The following SCUBE1 variants were observed in gnomAD, a reference collection of about 807,000 sequenced individuals.
SCUBE1 encodes the protein signal peptide, CUB and EGF-like domain-containing protein 1.
A neutral mutation model predicts 124.4 loss-of-function variants in SCUBE1; 59 were observed. The observed-to-expected ratio is 0.47, with a 90% CI of 0.38 to 0.59. The LOEUF (loss-of-function observed/expected upper bound fraction) is 0.59. Ranked by LOEUF, SCUBE1 falls within the 20% of genes least tolerant of loss-of-function variation. The probability of loss-of-function intolerance (pLI) is 0.00; values close to 1 mark genes in which losing one functional copy is unlikely to be tolerated. For missense variants in SCUBE1, 1,150 were observed against 1,371.2 expected (o/e 0.84, Z 2.55); for synonymous variants, 545 against 550.9 (o/e 0.99, Z 0.15).
Position 43,312,692 on chromosome 22 carries a change from G to T in SCUBE1, c.349+7245C>A, listed in dbSNP as rs1056908366. On this transcript the variant is annotated intron_variant, in intron 3 of 21. Coordinates refer to ENST00000360835, the MANE Select transcript of SCUBE1 (RefSeq NM_173050.5). ...GCCCAAGGAGGCTGAACGAGCTATG[G>T]GGTGGAGGCGCCCTTGGTATGAGCT... Among the ~76,000 whole-genome samples, 8 of 152,198 alleles carry T rather than the reference G, an allele frequency of 5.3e-5. No homozygotes were observed. The East Asian group carries it at 1.3e-3, about 26-fold the overall frequency.
At chr22:43,212,183 C>A (rs1473672303) in intron 17 of SCUBE1, among the ~76,000 whole-genome samples, 3 of 152,140 alleles carry the variant, frequency 2.0e-5, no homozygotes, top group African/African-American at 7.2e-5. Flanking sequence ...CCAGAGCCCT[C>A]CCCAGTGCTC....
chr22:43,288,593 G>A (rs1925237273), intron 4 of SCUBE1, among the ~76,000 whole-genome samples: 1 of 152,216 alleles, frequency 6.6e-6, no homozygotes, highest in Non-Finnish European at 1.5e-5. Flanking sequence ...CGCCCAGCCT[G>A]GCACATTCCC....
chr22:43,321,997 A>AT (rs1036789935), intron 2 of SCUBE1, among the ~76,000 whole-genome samples: 34 of 152,016 alleles, frequency 2.2e-4, no homozygotes, highest in African/African-American at 7.2e-4. Flanking sequence ...TTATTTATTT[A>AT]TTTTTTTGTC....
At chr22:43,336,882 C>T (rs1181497978) in intron 2 of SCUBE1, among the ~76,000 whole-genome samples, 15 of 152,138 alleles carry the variant, frequency 9.9e-5, no homozygotes, top group Non-Finnish European at 1.5e-4. Context: ...TCCAGGCAGG[C>T]GGAAAATCTG....
At position 43,255,452 on chromosome 22, in the gene SCUBE1, G is replaced by A. The variant is rs934313731; in HGVS notation, c.727+2767C>T. On this transcript the variant is annotated intron_variant, in intron 6 of 21. Coordinates refer to ENST00000360835, the MANE Select transcript of SCUBE1 (RefSeq NM_173050.5). The surrounding 1 kb of genome is among the most constrained non-coding windows in gnomAD (Gnocchi z 4.7). ...CACATGTGCACACACACACACAAGTGCAAGTACGACAAAGGAAGTGGAAGA... is the reference window on the plus strand; with the variant it reads ...CACATGTGCACACACACACACAAGTACAAGTACGACAAAGGAAGTGGAAGA... 4 of 1,517,330 alleles carry A rather than the reference G, an allele frequency of 2.6e-6. No homozygotes were observed. In the Admixed American group the frequency reaches 7.9e-5, roughly 30 times the overall value. The allele number at this position is 1,517,330 out of a possible 1,614,324, so 94.0% of individuals were successfully genotyped here. A position where few individuals can be genotyped will look rare whatever the true frequency, so the allele number is the denominator to read the frequency against.
At chr22:43,280,699 C>CCACCTTCCTCCTCGGCCACCCTCCTGT (rs1410037911) in intron 4 of SCUBE1, among the ~76,000 whole-genome samples, 271 of 90,906 alleles carry the variant, frequency 3.0e-3, no homozygotes, top group Middle Eastern at 6.8e-3. Flanking sequence ...CACATCCCCA[C>CCACCTTCCTCCTCGGCCACCCTCCTGT]CACCTTCCTC....
intron 4 of SCUBE1, among the ~76,000 whole-genome samples, chr22:43,266,868 A>G (rs1405536726): frequency 6.6e-6 from 1 of 152,198 alleles, no homozygotes; most frequent in Non-Finnish European, 1.5e-5. Flanking sequence ...CCCTCCACGA[A>G]GCACATACCC....
At chr22:43,343,108 C>A in intron 1 of SCUBE1, 66 bp downstream of exon 1, 1 of 813,898 alleles carries the variant, frequency 1.2e-6, no homozygotes, top group Non-Finnish European at 1.6e-6. Flanking sequence ...AGAAGCCCTC[C>A]GGGACCGCGC....
intron 2 of SCUBE1, among the ~76,000 whole-genome samples, chr22:43,334,181 G>A (rs752899305): frequency 2.6e-5 from 4 of 152,172 alleles, no homozygotes; most frequent in South Asian, 2.1e-4. Context: ...TGGAGGGTGC[G>A]GTAATTGATT....
intron 1 of SCUBE1, among the ~76,000 whole-genome samples, chr22:43,341,175 G>A (rs144048546): frequency 6.7e-6 from 1 of 148,454 alleles, no homozygotes; most frequent in East Asian, 1.9e-4. Context: ...GCTCAGGTGG[G>A]CGGCCTGTCC....
rs752732737 is a variant in SCUBE1 at position 43,210,266 on chromosome 22, T to C, written c.2384-26A>G. On this transcript the variant is annotated intron_variant, in intron 18 of 21. Coordinates refer to ENST00000360835, the MANE Select transcript of SCUBE1 (RefSeq NM_173050.5). The surrounding 1 kb of genome is among the most constrained non-coding windows in gnomAD (Gnocchi z 4.5). ...CTGTGGGCACAGTGGCCCGAGGGCC[T>C]CATCAGGCTCTGCTGGGCAGGGGCC... 4 of 1,489,418 alleles carry C rather than the reference T, an allele frequency of 2.7e-6. No homozygotes were observed. The highest frequency in any genetic ancestry group is 3.6e-6 in the Non-Finnish European group (4 of 1,122,334). 92.3% of individuals were successfully genotyped at this position (1,489,418 alleles called of 1,614,324 possible).
At chr22:43,313,668 C>A (rs1026546850) in intron 3 of SCUBE1, among the ~76,000 whole-genome samples, 1 of 152,142 alleles carries the variant, frequency 6.6e-6, no homozygotes, top group African/African-American at 2.4e-5. Context: ...GTGTCATTTT[C>A]TGTTATATTT....
chr22:43,221,019 C>T (rs1420455283), intron 13 of SCUBE1, among the ~76,000 whole-genome samples, 154 bp downstream of exon 13: 7 of 152,148 alleles, frequency 4.6e-5, no homozygotes, highest in Admixed American at 3.9e-4. Context: ...CCTGCAATGT[C>T]CTTGGAAACT....
intron 21 of SCUBE1, 60 bp from the exon 22 acceptor site, chr22:43,204,209 G>A: frequency 6.5e-7 from 1 of 1,527,622 alleles, no homozygotes; most frequent in Non-Finnish European, 9.0e-7. Context: ...TCTGTGGGGT[G>A]TTGCCAGGCT....
intron 12 of SCUBE1, among the ~76,000 whole-genome samples, 166 bp from the exon 13 acceptor site, chr22:43,221,455 C>A (rs539705860): frequency 6.6e-6 from 1 of 151,998 alleles, no homozygotes; most frequent in East Asian, 1.9e-4. Flanking sequence ...CTCTCCTGCC[C>A]CATTTCTCTC....
chr22:43,206,754 T>C (rs138985), intron 21 of SCUBE1, among the ~76,000 whole-genome samples: 52,193 of 151,752 alleles, frequency 0.34, 9,978 homozygotes, highest in African/African-American at 0.52. Flanking sequence ...AGTGTCAGGA[T>C]GCTTCCAGTT....
At chr22:43,313,214 G>T (rs1926230935) in intron 3 of SCUBE1, among the ~76,000 whole-genome samples, 1 of 152,210 alleles carries the variant, frequency 6.6e-6, no homozygotes, top group African/African-American at 2.4e-5. Flanking sequence ...TAGGGTTGGT[G>T]CTCAATAAAT....
chr22:43,318,710 A>C (rs5996309), intron 3 of SCUBE1, among the ~76,000 whole-genome samples: 1 of 151,932 alleles, frequency 6.6e-6, no homozygotes, highest in East Asian at 1.9e-4. Context: ...TTGATTCAGC[A>C]AATGTGGACT....
chr22:43,304,233 C>A (rs1925882190), intron 3 of SCUBE1, among the ~76,000 whole-genome samples: 1 of 152,226 alleles, frequency 6.6e-6, no homozygotes, highest in Non-Finnish European at 1.5e-5. Context: ...TCATCTGCCA[C>A]CGTCTTTTCT....
Sources: allele counts gnomAD v4.1 joint callset (sites outside exome capture counted in the v4.1 genomes callset), GRCh38; gene constraint gnomAD v4.1.1; non-coding constraint Gnocchi (gnomAD v3.1); transcripts MANE v1.5; gene names NCBI Gene and HGNC (gene_info 2026-07-23, HGNC 2026-07-21).